KAT6A: variants seen among roughly 807,000 people sequenced by gnomAD.
KAT6A encodes the protein lysine acetyltransferase 6A.
Under a neutral mutation model 198.4 loss-of-function variants are expected in KAT6A, and 9 were observed. The ratio of observed to expected loss-of-function variants is 0.05; its 90% CI spans 0.03 to 0.08. The LOEUF is 0.08. KAT6A is among the 10% of genes least tolerant of loss of function. The pLI is 1.00. For synonymous variants in KAT6A, 890 were observed against 883.0 expected (o/e 1.01, Z -0.14); for missense variants, 2,077 against 2,509.9 (o/e 0.83, Z 3.69).
intron 2 of KAT6A, 122 bp from the exon 3 acceptor site, chr8:41,987,685 C>T (rs948046875): frequency 1.5e-6 from 1 of 678,086 alleles, no homozygotes; most frequent in Non-Finnish European, 2.5e-6. Flanking sequence ...TATTACTCTC[C>T]TAAATTCCAG....
Position 41,932,719 on chromosome 8 carries a change from G to A in KAT6A, c.5501C>T (p.Ala1834Val). ...CGTGTGAGGAATGCCAATGTTGGTGGCAGACATGTTGCACTGAAGCAGAGG... is the reference window on the plus strand; with the variant it reads ...CGTGTGAGGAATGCCAATGTTGGTGACAGACATGTTGCACTGAAGCAGAGG... ...TSPLLQCNMS[A>V]TNIGIPHTQR... Residue 1834 changes from alanine to valine, a missense_variant, in exon 17 of 17, where the codon GCC (alanine) becomes GTC (valine). Coordinates refer to ENST00000265713, the MANE Select transcript of KAT6A (RefSeq NM_006766.5). The A allele has an allele frequency of 6.2e-7, 1 of 1,614,248 alleles. No homozygotes were observed. Among genetic ancestry groups the A allele is most frequent in the Non-Finnish European group, 8.5e-7 (1 of 1,180,044 alleles).
intron 2 of KAT6A, among the ~76,000 whole-genome samples, chr8:42,040,897 T>C (rs1047485064): frequency 6.6e-6 from 1 of 151,746 alleles, no homozygotes; most frequent in African/African-American, 2.4e-5. Flanking sequence ...ATTGTGCTCA[T>C]AGGTGAACCA....
chr8:42,008,886 T>A (rs2150907115), intron 2 of KAT6A, among the ~76,000 whole-genome samples: 1 of 152,308 alleles, frequency 6.6e-6, no homozygotes, highest in East Asian at 1.9e-4. Context: ...AGTCTATATA[T>A]AGAAGACATT....
intron 9 of KAT6A, among the ~76,000 whole-genome samples, chr8:41,952,577 A>G (rs1822717735): frequency 1.3e-5 from 2 of 152,336 alleles, no homozygotes; most frequent in South Asian, 4.1e-4. Context: ...AACATTCCGT[A>G]AAGTATAATC....
intron 2 of KAT6A, among the ~76,000 whole-genome samples, chr8:42,017,648 G>GCCT (rs1826340042): frequency 6.6e-6 from 1 of 152,284 alleles, no homozygotes; most frequent in Admixed American, 6.5e-5. Flanking sequence ...GTGCTGGAAG[G>GCCT]CAGAGGGTTA....
rs373063742 is a variant in KAT6A, at chr8:41,932,199, T to C, written c.*6A>G. 1.9e-6 allele frequency: 3 copies of C among 1,545,260 alleles called. No homozygotes were observed. In the African/African-American group the frequency reaches 4.1e-5, roughly 21 times the overall value. ...ATTTAAGTTTTTGATTGCAAGTTCATCTTGCTCATCTTCTCATGTAAGGTC... is the reference window on the plus strand; with the variant it reads ...ATTTAAGTTTTTGATTGCAAGTTCACCTTGCTCATCTTCTCATGTAAGGTC... On this transcript the variant is annotated 3_prime_UTR_variant, in exon 17 of 17. Coordinates refer to ENST00000265713, the MANE Select transcript of KAT6A (RefSeq NM_006766.5).
Position 42,049,293 on chromosome 8 carries a change from C to T in KAT6A, c.-316G>A. The T allele has an allele frequency of 3.1e-6, 1 of 325,368 alleles. No homozygotes were observed. Among genetic ancestry groups the T allele is most frequent in the Non-Finnish European group, 5.6e-6 (1 of 177,226 alleles). The allele number at this position is 325,368 out of a possible 1,614,324, so 20.2% of individuals were successfully genotyped here. A position where few individuals can be genotyped will look rare whatever the true frequency, so the allele number is the denominator to read the frequency against. On this transcript the variant is annotated 5_prime_UTR_variant, in exon 2 of 17. It removes an upstream start codon present in the reference 5' UTR. Transcript: ENST00000265713. ...CCCGGCTCCAGAGCAGAAAAATGTG[C>T]ATCTTATGCCTGAAAAGCAATGAAA...
intron 2 of KAT6A, among the ~76,000 whole-genome samples, chr8:42,014,475 G>C (rs533335578): frequency 7.9e-5 from 12 of 152,306 alleles, no homozygotes; most frequent in African/African-American, 2.2e-4. Flanking sequence ...TTTTTGGCTT[G>C]AGATCAAGAG....
At chr8:41,975,349 G>A (rs934604645) in intron 7 of KAT6A, among the ~76,000 whole-genome samples, 5 of 152,054 alleles carry the variant, frequency 3.3e-5, no homozygotes, top group Admixed American at 1.3e-4. Flanking sequence ...ATATGAAAAC[G>A]TATGATAATT....
At chr8:42,031,754 C>T (rs1261160139) in intron 2 of KAT6A, among the ~76,000 whole-genome samples, 1 of 150,830 alleles carries the variant, frequency 6.6e-6, no homozygotes, top group Non-Finnish European at 1.5e-5. Flanking sequence ...CCTCAGCCTC[C>T]CAAGTAGCTG....
intron 2 of KAT6A, among the ~76,000 whole-genome samples, chr8:42,025,203 G>GT (rs150690765): frequency 0.11 from 16,106 of 150,938 alleles, 1,092 homozygotes; most frequent in East Asian, 0.24. Flanking sequence ...TGATGCTGAG[G>GT]TTTTTTTTTG....
At chr8:42,014,635 C>T (rs1006585348) in intron 2 of KAT6A, among the ~76,000 whole-genome samples, 7 of 151,934 alleles carry the variant, frequency 4.6e-5, no homozygotes, top group Admixed American at 3.3e-4. Context: ...AAGGACAGAT[C>T]GGGGGGCTAA....
rs1436669986 is a variant in KAT6A, at chr8:41,931,639, A to G, written c.*566T>C. The G allele has an allele frequency of 5.4e-6, 1 of 185,072 alleles. No individual in the cohort carries two copies. The highest frequency in any genetic ancestry group is 2.4e-5 in the African/African-American group (1 of 42,462). 11.5% of individuals were successfully genotyped at this position (185,072 alleles called of 1,614,324 possible). On this transcript the variant is annotated 3_prime_UTR_variant, in exon 17 of 17. Transcript: ENST00000265713. ...CCTGCCTCACTTTATTAATAATAAT[A>G]ATAATAATATTAACAATAATAATAA...
rs1284599418 is a variant in KAT6A, at chr8:42,051,940, G to A, written c.-365C>T. 3 of 151,248 alleles carry A rather than the reference G, an allele frequency of 2.0e-5. No homozygotes were observed. Among genetic ancestry groups the A allele is most frequent in the Non-Finnish European group, 4.4e-5 (3 of 67,732 alleles). The allele number at this position is 151,248 out of a possible 1,614,324, so 9.4% of individuals were successfully genotyped here. A position where few individuals can be genotyped will look rare whatever the true frequency, so the allele number is the denominator to read the frequency against. ...GCCGAGATCCCGGGGCCCCGGGCCG[G>A]ACCGCGGAGATGCCCCAAACTGACA... On this transcript the variant is annotated 5_prime_UTR_variant, in exon 1 of 17. Coordinates refer to ENST00000265713, the MANE Select transcript of KAT6A (RefSeq NM_006766.5).
rs1297927467 is a variant in KAT6A, at chr8:41,932,277, G to A, written c.5943C>T (p.Pro1981=). 1.9e-6 allele frequency: 3 copies of A among 1,614,022 alleles called. No homozygotes were observed. The highest frequency in any genetic ancestry group is 2.5e-6 in the Non-Finnish European group (3 of 1,180,006). Residue 1981 remains proline (P), a synonymous_variant, in exon 17 of 17, where the codon CCC becomes CCT. Coordinates refer to ENST00000265713, the MANE Select transcript of KAT6A (RefSeq NM_006766.5). ...CAGCGTTCATGTAGCTGTGATGGGA[G>A]GGGCCTGTGTACATCATGTTCCCAT... The part of the protein sequence containing the change: ...NPHGNMMYTG[P]SHHSYMNAAG...
intron 2 of KAT6A, among the ~76,000 whole-genome samples, chr8:42,034,790 T>G (rs150056401): frequency 1.1e-3 from 162 of 152,338 alleles, no homozygotes; most frequent in African/African-American, 3.7e-3. Flanking sequence ...TTGCACAAAG[T>G]TCTGTCAGCC....
At chr8:41,950,932 A>T (rs1198099031) in intron 9 of KAT6A, among the ~76,000 whole-genome samples, 1 of 151,358 alleles carries the variant, frequency 6.6e-6, no homozygotes, top group Non-Finnish European at 1.5e-5. Flanking sequence ...CTGGAAACAG[A>T]AGGGAGAGGG....
intron 9 of KAT6A, among the ~76,000 whole-genome samples, chr8:41,953,191 C>G (rs972666378): frequency 6.6e-6 from 1 of 152,052 alleles, no homozygotes; most frequent in East Asian, 1.9e-4. Context: ...TAAAAGAAAA[C>G]AGTTTATGAT....
intron 2 of KAT6A, among the ~76,000 whole-genome samples, chr8:42,018,968 A>G (rs964703995): frequency 1.3e-4 from 20 of 152,202 alleles, no homozygotes; most frequent in African/African-American, 4.8e-4. Flanking sequence ...ATGTAGAACA[A>G]GTTGTTCGGT....
Sources: gnomAD v4.1 joint callset for allele counts (sites outside exome capture counted in the v4.1 genomes callset) on GRCh38, gnomAD v4.1.1 for gene constraint, MANE v1.5 for transcripts, NCBI Gene and HGNC (gene_info 2026-07-23, HGNC 2026-07-21) for gene names.